Variants in ITFG1 observed in about 807,000 individuals in gnomAD.
ITFG1 encodes the protein T-cell immunomodulatory protein.
Under a neutral mutation model 81.8 loss-of-function variants are expected in ITFG1, and 34 were observed. The ratio of observed to expected loss-of-function variants is 0.42; its 90% CI spans 0.32 to 0.55. The LOEUF is 0.55. Among genes scored for constraint, ITFG1 ranks in the 20% least tolerant of loss-of-function variants. The pLI, the probability that ITFG1 is intolerant of heterozygous loss-of-function variation, is 0.17. For synonymous variants in ITFG1, 285 were observed against 270.6 expected, an observed-to-expected ratio of 1.05 and a Z score of -0.52; for missense variants, 672 against 755.4, an observed-to-expected ratio of 0.89 and a Z score of 1.29.
At chr16:47,313,919 A>C in intron 8 of ITFG1, 96 bp from the exon 9 acceptor site, 1 of 604,218 alleles carries the variant, frequency 1.7e-6, no homozygotes, top group Non-Finnish European at 2.8e-6. Context: ...GTCTACATCA[A>C]TCTGGATAAA....
chr16:47,187,278 A>C (rs1339705438), intron 14 of ITFG1, among the ~76,000 whole-genome samples: 1 of 152,198 alleles, frequency 6.6e-6, no homozygotes, highest in African/African-American at 2.4e-5. Context: ...GTTCATATGG[A>C]AACAAAAAAG....
chr16:47,452,004 A>G (rs1320170151), intron 4 of ITFG1, among the ~76,000 whole-genome samples: 1 of 152,232 alleles, frequency 6.6e-6, no homozygotes, highest in Admixed American at 6.5e-5. Context: ...CCTAGTTGGT[A>G]TAAAACTTCA....
In ITFG1 at chr16:47,224,700, C is replaced by T. The variant is rs78712195; in HGVS notation, c.1375-5754G>A. Among the ~76,000 whole-genome samples the T allele has an allele frequency of 3.3e-5, 5 of 151,780 alleles. No homozygotes were observed. The East Asian group carries it at 5.8e-4, about 18-fold the overall frequency. ...CAAAGAAACAGTATGGCTCATACGT[C>T]GGGGAAAAAAAAACCAGTCAAAATA... On this transcript the variant is annotated intron_variant, in intron 13 of 17. Coordinates refer to ENST00000320640, the MANE Select transcript of ITFG1 (RefSeq NM_030790.5).
chr16:47,437,894 C>T (rs1264783438), intron 5 of ITFG1, among the ~76,000 whole-genome samples: 1 of 152,200 alleles, frequency 6.6e-6, no homozygotes, highest in Non-Finnish European at 1.5e-5. Flanking sequence ...CATCGCCTCA[C>T]CTGGGAAGCG....
intron 12 of ITFG1, among the ~76,000 whole-genome samples, chr16:47,240,105 A>G (rs954024504): frequency 6.6e-6 from 1 of 151,320 alleles, no homozygotes; most frequent in African/African-American, 2.4e-5. Context: ...CAGCCTGGAC[A>G]ACATGGAGAA....
intron 5 of ITFG1, chr16:47,450,505 C>G: frequency 3.0e-6 from 1 of 334,326 alleles, no homozygotes; most frequent in East Asian, 1.1e-4. Context: ...TTCAGAATAC[C>G]TTAAAAATTT....
At chr16:47,287,547 C>T (rs1292902708) in intron 10 of ITFG1, among the ~76,000 whole-genome samples, 5 of 151,910 alleles carry the variant, frequency 3.3e-5, no homozygotes, top group African/African-American at 4.8e-5. Context: ...ACCACAGGCA[C>T]CTGCCACTAT....
intron 6 of ITFG1, among the ~76,000 whole-genome samples, chr16:47,419,848 C>G (rs1968921818): frequency 6.6e-6 from 1 of 152,016 alleles, no homozygotes; most frequent in Non-Finnish European, 1.5e-5. Context: ...AGTGATCCGC[C>G]CACCCCGGCC....
At chr16:47,217,015 T>C (rs898729964) in intron 14 of ITFG1, among the ~76,000 whole-genome samples, 1 of 152,184 alleles carries the variant, frequency 6.6e-6, no homozygotes. Flanking sequence ...TATTGTTGTA[T>C]TATAGTAAAA....
intron 12 of ITFG1, among the ~76,000 whole-genome samples, chr16:47,244,843 G>T (rs1324477999): frequency 1.3e-5 from 2 of 152,022 alleles, no homozygotes; most frequent in Non-Finnish European, 2.9e-5. Flanking sequence ...ACATGCACAT[G>T]AAAAGAACAT....
chr16:47,200,961 T>C (rs946606874), intron 14 of ITFG1, among the ~76,000 whole-genome samples: 1 of 152,204 alleles, frequency 6.6e-6, no homozygotes, highest in African/African-American at 2.4e-5. Flanking sequence ...TCCTGGCTCA[T>C]TTTCCCAATA....
At chr16:47,459,946 G>A (rs1289020769) in intron 1 of ITFG1, among the ~76,000 whole-genome samples, 1 of 152,222 alleles carries the variant, frequency 6.6e-6, no homozygotes, top group Non-Finnish European at 1.5e-5. Flanking sequence ...GGCAAGCTCT[G>A]AGTAGCTCTT....
chr16:47,276,373 C>A (rs977480638), intron 10 of ITFG1, among the ~76,000 whole-genome samples: 1 of 151,854 alleles, frequency 6.6e-6, no homozygotes, highest in Non-Finnish European at 1.5e-5. Flanking sequence ...CAAAACATTA[C>A]CAGGGGAAAT....
intron 10 of ITFG1, among the ~76,000 whole-genome samples, chr16:47,267,322 A>G (rs908643173): frequency 2.0e-5 from 3 of 152,218 alleles, no homozygotes; most frequent in Admixed American, 2.0e-4. Flanking sequence ...TCACCAGAAC[A>G]AAGAGAGTCA....
At chr16:47,332,315 G>C (rs1056670954) in intron 8 of ITFG1, among the ~76,000 whole-genome samples, 2 of 152,086 alleles carry the variant, frequency 1.3e-5, no homozygotes, top group Non-Finnish European at 2.9e-5. Context: ...TAAAATCTTT[G>C]TTATCCATCC....
At chr16:47,437,137 G>C (rs1182364364) in intron 5 of ITFG1, among the ~76,000 whole-genome samples, 1 of 151,954 alleles carries the variant, frequency 6.6e-6, no homozygotes, top group South Asian at 2.1e-4. Flanking sequence ...TAGTTTTTTA[G>C]GTGTGATGAA....
intron 8 of ITFG1, among the ~76,000 whole-genome samples, chr16:47,331,545 G>C (rs1428533403): frequency 6.6e-6 from 1 of 152,130 alleles, no homozygotes; most frequent in Non-Finnish European, 1.5e-5. Flanking sequence ...AGTGAACGTT[G>C]ATAAAAACTG....
intron 5 of ITFG1, among the ~76,000 whole-genome samples, chr16:47,436,650 A>G (rs1021060420): frequency 1.3e-5 from 2 of 152,214 alleles, no homozygotes; most frequent in Non-Finnish European, 2.9e-5. Flanking sequence ...ATTAGAATGA[A>G]AAAAGGTTTA....
At chr16:47,319,412 A>C (rs768788677) in intron 8 of ITFG1, among the ~76,000 whole-genome samples, 2 of 152,234 alleles carry the variant, frequency 1.3e-5, no homozygotes, top group African/African-American at 2.4e-5. Context: ...CTGGAATAAC[A>C]GTAGCTTGTC....
Sources: gnomAD v4.1 joint callset for allele counts (sites outside exome capture counted in the v4.1 genomes callset) on GRCh38, gnomAD v4.1.1 for gene constraint, MANE v1.5 for transcripts, NCBI Gene and HGNC (gene_info 2026-07-23, HGNC 2026-07-21) for gene names.